PLB1: variants seen among roughly 807,000 people sequenced by gnomAD.
PLB1 encodes the protein phospholipase B1, also known as phospholipase B1, membrane-associated.
In PLB1, 242 loss-of-function variants were observed where a neutral mutation model predicts 227.4. That is an observed-to-expected ratio of 1.06 (90% CI 0.96 to 1.18). The LOEUF (loss-of-function observed/expected upper bound fraction) is 1.18, where lower values mean the gene tolerates loss of function less well. Among genes scored for constraint, PLB1 ranks in the 50% most tolerant of loss-of-function variants. PLB1 has a pLI of 0.00. For synonymous variants in PLB1, 757 were observed against 682.2 expected, an observed-to-expected ratio of 1.11 and a Z score of -1.71; for missense variants, 1,858 against 1,816.3, an observed-to-expected ratio of 1.02 and a Z score of -0.42.
At chr2:28,577,570 C>T (rs544914990) in intron 21 of PLB1, among the ~76,000 whole-genome samples, 10 of 152,288 alleles carry the variant, frequency 6.6e-5, no homozygotes, top group East Asian at 1.9e-4. Context: ...CGGCCGGGCG[C>T]GGTGGCTCAC....
chr2:28,590,532 G>A (rs1681727141), intron 29 of PLB1, among the ~76,000 whole-genome samples: 1 of 152,168 alleles, frequency 6.6e-6, no homozygotes, highest in Non-Finnish European at 1.5e-5. Context: ...GGAAGCTGGA[G>A]CTAGGGAAAG....
At chr2:28,525,589 C>T (rs910168362) in intron 5 of PLB1, among the ~76,000 whole-genome samples, 29 of 152,296 alleles carry the variant, frequency 1.9e-4, no homozygotes, top group African/African-American at 6.0e-4. Flanking sequence ...GCTCTACTTG[C>T]TCTGCTCTTG....
chr2:28,517,167 T>C (rs934286082), intron 2 of PLB1, among the ~76,000 whole-genome samples: 8 of 152,196 alleles, frequency 5.3e-5, no homozygotes, highest in African/African-American at 1.9e-4. Context: ...TTGGGAGTTA[T>C]CTGAAGGAAT....
intron 42 of PLB1, 110 bp downstream of exon 42, chr2:28,606,058 C>T: frequency 1.2e-6 from 1 of 843,488 alleles, no homozygotes; most frequent in Non-Finnish European, 1.9e-6. Context: ...GTGGCTGGTA[C>T]ATCTATAAAC....
intron 1 of PLB1, among the ~76,000 whole-genome samples, chr2:28,510,468 A>G (rs1668103550): frequency 6.6e-6 from 1 of 152,140 alleles, no homozygotes; most frequent in African/African-American, 2.4e-5. Flanking sequence ...ACATGGAGCA[A>G]GGCCAGCCCA....
chr2:28,532,234 G>T, intron 9 of PLB1, 40 bp downstream of exon 9: 1 of 1,525,226 alleles, frequency 6.6e-7, no homozygotes, highest in Non-Finnish European at 9.0e-7. Flanking sequence ...TACAGATGCT[G>T]GGGTGGAGAG....
chr2:28,594,026 A>G, intron 33 of PLB1: 2 of 716,970 alleles, frequency 2.8e-6, no homozygotes, highest in African/African-American at 3.5e-5. Context: ...CCAACAGGAA[A>G]TGCACCAGAA....
chr2:28,583,339 A>G (rs1200343458), intron 25 of PLB1, among the ~76,000 whole-genome samples: 1 of 152,008 alleles, frequency 6.6e-6, no homozygotes, highest in East Asian at 1.9e-4. Flanking sequence ...GCACACCACC[A>G]TGCCCAGCTA....
chr2:28,608,153 G>A (rs567323298), intron 43 of PLB1, among the ~76,000 whole-genome samples: 19 of 152,324 alleles, frequency 1.2e-4, no homozygotes, highest in African/African-American at 4.3e-4. Flanking sequence ...ATCCAGCCTC[G>A]TGGAACCAGT....
rs6753929 is a variant in PLB1, at chr2:28,539,114, G to C, written c.634G>C (p.Val212Leu). The change falls in exon 11 of 58, where the codon GTA (valine) becomes CTA (leucine). Residue 212 changes from valine (V) to leucine (L), a missense_variant. By Grantham distance (32) the Val-to-Leu change is conservative (BLOSUM62 1). Transcript: ENST00000327757. The part of the protein sequence containing the change: ...YLQQEVPRAF[V>L]NLVDLSEVAE... ...GTCCTCCTAGGTCCCCAGAGCATTT[G>C]TAAACCTGGTGGACCTCTCTGAGGT... 404,456 of 1,611,450 alleles carry C rather than the reference G, an allele frequency of 0.25. 52,507 individuals are homozygous for C. The highest frequency in any genetic ancestry group is 0.3 in the Admixed American group (17,716 of 59,996).
intron 56 of PLB1, 142 bp downstream of exon 56, chr2:28,633,181 T>C (rs3752901): frequency 0.27 from 174,784 of 641,330 alleles, 24,036 homozygotes; most frequent in South Asian, 0.33. Context: ...TTGGTCCTGA[T>C]AGATTAATTC....
intron 20 of PLB1, 24 bp downstream of exon 20, chr2:28,566,863 A>T: frequency 1.2e-6 from 2 of 1,613,468 alleles, no homozygotes; most frequent in South Asian, 1.1e-5. Context: ...GGCGGCCGGG[A>T]TGTTTGGTTT....
chr2:28,516,776 A>G, intron 1 of PLB1, 32 bp from the exon 2 acceptor site: 1 of 1,595,230 alleles, frequency 6.3e-7, no homozygotes, highest in Non-Finnish European at 8.6e-7. Context: ...AATTCCAGCT[A>G]AATAACTTGA....
intron 19 of PLB1, 98 bp from the exon 20 acceptor site, chr2:28,566,698 T>C: frequency 7.4e-7 from 1 of 1,347,204 alleles, no homozygotes; most frequent in Non-Finnish European, 1.1e-6. Context: ...GCCCCCGGGC[T>C]GTTTCTCGGG....
chr2:28,592,116 C>T (rs984661250), intron 31 of PLB1, among the ~76,000 whole-genome samples: 6 of 152,256 alleles, frequency 3.9e-5, no homozygotes, highest in South Asian at 2.1e-4. Context: ...CAATCACTGC[C>T]GCCTACAGTA....
At chr2:28,590,315 G>A (rs895085667) in intron 29 of PLB1, among the ~76,000 whole-genome samples, 3 of 152,154 alleles carry the variant, frequency 2.0e-5, no homozygotes, top group Non-Finnish European at 4.4e-5. Context: ...CATGTCTGGG[G>A]TGGAGACAAC....
At chr2:28,527,994 C>T (rs932252163) in intron 6 of PLB1, among the ~76,000 whole-genome samples, 26 of 152,208 alleles carry the variant, frequency 1.7e-4, no homozygotes, top group South Asian at 1.4e-3. Flanking sequence ...GAACTTTCCC[C>T]GCTTTCCCAC....
chr2:28,497,722 A>ATT lies in PLB1; in HGVS notation c.55+1566_55+1567dup, dbSNP rs112520210. Among the ~76,000 whole-genome samples, 567 of 141,010 alleles carry ATT rather than the reference A, an allele frequency of 4.0e-3. 3 individuals are homozygous for ATT. The highest frequency in any genetic ancestry group is 0.014 in the African/African-American group (539 of 38,696). The allele number at this position is 141,010 out of a possible 152,430, so 92.5% of individuals were successfully genotyped here. On this transcript the variant is annotated intron_variant, in intron 1 of 57. Coordinates refer to ENST00000327757, the MANE Select transcript of PLB1 (RefSeq NM_153021.5). ...ACCGTTGTCCATTTGTATATTCTCTATTTTTTTTTTTTTTGAGACAGAGTC... is the reference window on the plus strand; with the variant it reads ...ACCGTTGTCCATTTGTATATTCTCTATTTTTTTTTTTTTTTTGAGACAGAGTC...
At chr2:28,569,260 A>G (rs1423841544) in intron 20 of PLB1, among the ~76,000 whole-genome samples, 1 of 152,172 alleles carries the variant, frequency 6.6e-6, no homozygotes, top group Admixed American at 6.5e-5. Context: ...CAGCACCTAC[A>G]TGTCTTTGAA....
Sources: gnomAD v4.1 joint callset for allele counts (sites outside exome capture counted in the v4.1 genomes callset) on GRCh38, gnomAD v4.1.1 for gene constraint, MANE v1.5 for transcripts, NCBI Gene and HGNC (gene_info 2026-07-23, HGNC 2026-07-21) for gene names.